The following TRUB1 variants were observed in gnomAD, a reference collection of about 807,000 sequenced individuals.
TRUB1 encodes the protein TruB pseudouridine synthase family member 1, also known as pseudouridylate synthase TRUB1.
In TRUB1, 23 loss-of-function variants were observed where a neutral mutation model predicts 33.9. The observed-to-expected ratio is 0.68, with a 90% CI of 0.49 to 0.96. The LOEUF (loss-of-function observed/expected upper bound fraction) is 0.96. Ranked by LOEUF, TRUB1 falls within the 40% of genes least tolerant of loss-of-function variation. The pLI is 0.00. For synonymous variants in TRUB1, 163 were observed against 165.4 expected (o/e 0.99, Z 0.11); for missense variants, 378 against 422.2 (o/e 0.90, Z 0.92).
intron 3 of TRUB1, among the ~76,000 whole-genome samples, chr10:114,958,596 C>T (rs527981990): frequency 6.6e-6 from 1 of 152,152 alleles, no homozygotes; most frequent in Admixed American, 6.5e-5. Context: ...CACATAAATA[C>T]AGATTATTTT....
At chr10:114,948,896 TC>T (rs772722608) in intron 2 of TRUB1, among the ~76,000 whole-genome samples, 1 of 152,208 alleles carries the variant, frequency 6.6e-6, no homozygotes, top group Non-Finnish European at 1.5e-5. Flanking sequence ...GCAATTATTT[TC>T]TTTTTTAGAA....
In TRUB1 at chr10:114,938,364, A is replaced by G. The variant is rs556792982; in HGVS notation, c.111A>G (p.Ala37=). ...TVAAMAATPS[A]RAAAAVVAAA... ...CAGCAATGGCTGCGACCCCGTCAGC[A>G]AGGGCTGCAGCCGCGGTGGTTGCGG... is the stretch of plus-strand genomic sequence containing the variant. Residue 37 remains alanine, a synonymous_variant, in exon 1 of 8, where the codon GCA becomes GCG. Transcript: ENST00000298746. 1.2e-6 allele frequency: 2 copies of G among 1,611,282 alleles called. No individual in the cohort carries two copies. The highest frequency in any genetic ancestry group is 1.7e-5 in the Admixed American group (1 of 59,212).
chr10:114,972,040 A>G (rs2084338953), intron 5 of TRUB1, 95 bp from the exon 6 acceptor site: 1 of 1,413,822 alleles, frequency 7.1e-7, no homozygotes, highest in Non-Finnish European at 9.7e-7. Flanking sequence ...CTTCCTTTCC[A>G]TGCTAAATCT....
intron 4 of TRUB1, among the ~76,000 whole-genome samples, chr10:114,968,709 G>T (rs1366673038): frequency 6.6e-6 from 1 of 152,190 alleles, no homozygotes; most frequent in Non-Finnish European, 1.5e-5. Flanking sequence ...GAGTCTAGTA[G>T]ATTCTAGTCT....
chr10:114,948,870 G>A (rs1399206098), intron 2 of TRUB1, among the ~76,000 whole-genome samples: 1 of 152,152 alleles, frequency 6.6e-6, no homozygotes, highest in Non-Finnish European at 1.5e-5. Flanking sequence ...TCTCATCCTT[G>A]TATCTGAGAG....
rs368115884 is a variant in TRUB1, at chr10:114,938,274, G to A, written c.21G>A (p.Ala7=). The change falls in exon 1 of 8, where the codon GCG becomes GCA. Residue 7 remains alanine (A), a synonymous_variant. Transcript: ENST00000298746. ...AAAGTATGGCCGCTTCTGAGGCGGC[G>A]GTGGTGTCTTCGCCGTCTTTGAAAA... The part of the protein sequence containing the change: MAASEA[A]VVSSPSLKTD... 6 of 1,614,070 alleles carry A rather than the reference G, an allele frequency of 3.7e-6. No individual in the cohort carries two copies. Among genetic ancestry groups the A allele is most frequent in the African/African-American group, 2.7e-5 (2 of 74,930 alleles).
Position 114,938,501 on chromosome 10 carries a change from C to T in TRUB1, c.248C>T (p.Ala83Val). 6.4e-7 allele frequency: 1 copy of T among 1,567,750 alleles called. No individual in the cohort carries two copies. The highest frequency in any genetic ancestry group is 8.6e-7 in the Non-Finnish European group (1 of 1,160,208). Residue 83 changes from alanine (A) to valine (V), a missense_variant, in exon 1 of 8, where the codon GCC becomes GTC. Ala to Val is a moderately conservative substitution (Grantham distance 64). Transcript: ENST00000298746. Reference sequence around the variant, plus strand: ...CACAAGCCCAAAGGGCCCACTTCAGCCGAGCTGCTGAATCGGTTGAAGGAG... The same window carrying T: ...CACAAGCCCAAAGGGCCCACTTCAGTCGAGCTGCTGAATCGGTTGAAGGAG... ...AVHKPKGPTS[A>V]ELLNRLKEKL...
chr10:114,939,823 TTTC>T (rs144021864), intron 1 of TRUB1, among the ~76,000 whole-genome samples: 39,402 of 134,932 alleles, frequency 0.29, 5,395 homozygotes, highest in Middle Eastern at 0.38. Flanking sequence ...CTGGGTTTCT[TTTC>T]TTTTTTTTTT....
At chr10:114,966,749 T>G (rs1480785745) in intron 4 of TRUB1, among the ~76,000 whole-genome samples, 1 of 152,216 alleles carries the variant, frequency 6.6e-6, no homozygotes, top group Non-Finnish European at 1.5e-5. Context: ...TTTCTAATAG[T>G]TCATTGGTGG....
chr10:114,972,137 A>G lies in TRUB1; in HGVS notation c.599A>G (p.Tyr200Cys). Residue 200 changes from tyrosine to cysteine, a missense_variant and splice_region_variant, in exon 6 of 8, where the codon TAT (tyrosine) becomes TGT (cysteine). Physicochemically the swap from Tyr to Cys is radical, Grantham distance 194. Transcript: ENST00000298746. The stretch of plus-strand genomic sequence containing the variant: ...TTCTCCTTCTCTCATCTCACAAGCT[A>G]TTCTGCATTAAAGAAAGATGGACAA... The part of the protein sequence containing the change: ...TGNIMQVPPL[Y>C]SALKKDGQRL... 6.2e-7 allele frequency: 1 copy of G among 1,612,834 alleles called. No individual in the cohort carries two copies.
chr10:114,947,846 GTTTGT>G (rs1338569551), intron 2 of TRUB1, among the ~76,000 whole-genome samples: 3 of 152,074 alleles, frequency 2.0e-5, no homozygotes, highest in Admixed American at 6.6e-5. Flanking sequence ...AGAACTTTTT[GTTTGT>G]TTTGTTTTTA....
At chr10:114,960,761 G>A (rs2084281726) in intron 4 of TRUB1, among the ~76,000 whole-genome samples, 1 of 151,968 alleles carries the variant, frequency 6.6e-6, no homozygotes, top group Non-Finnish European at 1.5e-5. Flanking sequence ...ATAAATAATA[G>A]CAGACCCTCA....
intron 3 of TRUB1, among the ~76,000 whole-genome samples, chr10:114,952,219 A>T (rs1345593212): frequency 6.6e-6 from 1 of 152,158 alleles, no homozygotes; most frequent in Non-Finnish European, 1.5e-5. Flanking sequence ...CGGGCAGATC[A>T]CTTGAGGTCA....
rs536971611 is a variant in TRUB1, at chr10:114,973,918, C to T, written c.737-411C>T. Among the ~76,000 whole-genome samples, 131 of 152,110 alleles carry T rather than the reference C, an allele frequency of 8.6e-4. No homozygotes were observed. The South Asian group carries it at 0.025, about 29-fold the overall frequency. On this transcript the variant is annotated intron_variant, in intron 6 of 7. Transcript: ENST00000298746. ...GTCAGAAAATATTTTAAAAATCTAC[C>T]GCTCATGATGGCAAAGCTGCCATTT... is the stretch of plus-strand genomic sequence containing the variant.
At chr10:114,940,331 G>C (rs1476619122) in intron 1 of TRUB1, among the ~76,000 whole-genome samples, 1 of 152,082 alleles carries the variant, frequency 6.6e-6, no homozygotes, top group Non-Finnish European at 1.5e-5. Context: ...ATGTTGGTCA[G>C]GCTGGGCTCG....
At chr10:114,944,064 A>G (rs2084201128) in intron 2 of TRUB1, among the ~76,000 whole-genome samples, 2 of 142,022 alleles carry the variant, frequency 1.4e-5, no homozygotes, top group African/African-American at 2.6e-5. Context: ...ATGGACTGCT[A>G]AAGTGTGTAT....
intron 3 of TRUB1, among the ~76,000 whole-genome samples, chr10:114,955,910 G>A (rs558157634): frequency 6.8e-4 from 103 of 152,268 alleles, no homozygotes; most frequent in African/African-American, 2.4e-3. Flanking sequence ...AAAGCCACAT[G>A]TTTTTGGTTT....
chr10:114,963,323 T>C (rs2084292158), intron 4 of TRUB1, among the ~76,000 whole-genome samples: 1 of 152,238 alleles, frequency 6.6e-6, no homozygotes, highest in Non-Finnish European at 1.5e-5. Flanking sequence ...CTGAGACTTA[T>C]CCTGGAGTAA....
At chr10:114,974,635 G>A (rs2084351843) in intron 7 of TRUB1, among the ~76,000 whole-genome samples, 2 of 151,844 alleles carry the variant, frequency 1.3e-5, no homozygotes, top group Admixed American at 6.6e-5. Context: ...AATGAACGTA[G>A]GGCCAACATC....
Sources: gnomAD v4.1 joint callset for allele counts (sites outside exome capture counted in the v4.1 genomes callset) on GRCh38, gnomAD v4.1.1 for gene constraint, MANE v1.5 for transcripts, NCBI Gene and HGNC (gene_info 2026-07-23, HGNC 2026-07-21) for gene names.